The following NELL1 variants were observed in gnomAD, a reference collection of about 807,000 sequenced individuals.
NELL1 encodes the protein neural EGFL like 1.
In NELL1, 76 loss-of-function variants were observed where a neutral mutation model predicts 107.4. The ratio of observed to expected loss-of-function variants is 0.71; its 90% CI spans 0.59 to 0.86. NELL1 has a LOEUF of 0.86. NELL1 is among the 40% of genes least tolerant of loss of function. The pLI is 0.00. For missense variants in NELL1, 1,024 were observed against 1,005.5 expected (o/e 1.02, Z -0.25); for synonymous variants, 353 against 341.2 (o/e 1.03, Z -0.38).
intron 2 of NELL1, among the ~76,000 whole-genome samples, chr11:20,683,244 C>CTAATCTTTTAAGCAGATTTAGATAATAA (rs1854231201): frequency 6.6e-6 from 1 of 151,998 alleles, no homozygotes; most frequent in South Asian, 2.1e-4. Context: ...TTTAATGAGT[C>CTAATCTTTTAAGCAGATTTAGATAATAA]AATTATCTTT....
Position 21,467,798 on chromosome 11 carries a change from A to G in NELL1, c.1646-66576A>G, listed in dbSNP as rs527718114. ...GTGTGATTAGATGGTGAACCGCTGCAATAGGTGAATGAGAATCCCTTGGAA... is the reference window on the plus strand; with the variant it reads ...GTGTGATTAGATGGTGAACCGCTGCGATAGGTGAATGAGAATCCCTTGGAA... On this transcript the variant is annotated intron_variant, in intron 15 of 19. Transcript: ENST00000357134. 5.0e-4 allele frequency among the ~76,000 whole-genome samples: 76 copies of G among 152,156 alleles called. 1 individual carries two copies. In the South Asian group the frequency reaches 0.015, roughly 31 times the overall value.
intron 15 of NELL1, among the ~76,000 whole-genome samples, chr11:21,470,075 T>C (rs1590956906): frequency 6.6e-6 from 1 of 152,084 alleles, no homozygotes; most frequent in African/African-American, 2.4e-5. Flanking sequence ...CAGGTACTTA[T>C]ATATGTAGTT....
At chr11:21,243,296 T>C (rs1232959346) in intron 14 of NELL1, among the ~76,000 whole-genome samples, 3 of 152,158 alleles carry the variant, frequency 2.0e-5, no homozygotes, top group African/African-American at 7.2e-5. Flanking sequence ...CTTAAATAAG[T>C]GCATGTGTAG....
At chr11:20,800,426 A>G (rs1857259394) in intron 3 of NELL1, among the ~76,000 whole-genome samples, 1 of 151,860 alleles carries the variant, frequency 6.6e-6, no homozygotes, top group Non-Finnish European at 1.5e-5. Context: ...TGTGGTTTTG[A>G]TTTTTCACTT....
chr11:21,160,401 T>A (rs577558475), intron 13 of NELL1, among the ~76,000 whole-genome samples: 1 of 152,322 alleles, frequency 6.6e-6, no homozygotes, highest in East Asian at 1.9e-4. Flanking sequence ...GTTCTCTAGG[T>A]TAATTATTCA....
At chr11:20,709,479 C>T (rs552875159) in intron 2 of NELL1, among the ~76,000 whole-genome samples, 57 of 152,184 alleles carry the variant, frequency 3.7e-4, no homozygotes, top group African/African-American at 1.3e-3. Context: ...AATGTGATGC[C>T]TTCAAATTTG....
At chr11:21,478,542 G>T (rs1590963244) in intron 15 of NELL1, among the ~76,000 whole-genome samples, 1 of 152,134 alleles carries the variant, frequency 6.6e-6, no homozygotes, top group Non-Finnish European at 1.5e-5. Flanking sequence ...ATGGATTGAG[G>T]GCTTAAATCT....
chr11:21,378,542 A>G (rs992644445), intron 15 of NELL1, among the ~76,000 whole-genome samples: 4 of 151,858 alleles, frequency 2.6e-5, no homozygotes, highest in African/African-American at 7.2e-5. Flanking sequence ...CCCTCTCTCA[A>G]TGGTGGAATA....
At chr11:21,507,929 C>A (rs1385573392) in intron 15 of NELL1, among the ~76,000 whole-genome samples, 1 of 151,692 alleles carries the variant, frequency 6.6e-6, no homozygotes, top group Non-Finnish European at 1.5e-5. Flanking sequence ...TACAGGTGTG[C>A]ACCACTACGC....
chr11:21,140,355 A>G (rs963113483), intron 13 of NELL1, among the ~76,000 whole-genome samples: 4 of 152,236 alleles, frequency 2.6e-5, no homozygotes, highest in African/African-American at 9.6e-5. Flanking sequence ...TGTATATTAC[A>G]ATCATGTGCT....
chr11:21,357,862 T>C (rs1300567064), intron 14 of NELL1, among the ~76,000 whole-genome samples: 2 of 152,220 alleles, frequency 1.3e-5, no homozygotes, highest in African/African-American at 4.8e-5. Context: ...CTTCTCCACA[T>C]GGCCTGCCAG....
intron 12 of NELL1, among the ~76,000 whole-genome samples, chr11:21,005,262 G>A (rs1305669227): frequency 2.0e-5 from 3 of 152,120 alleles, no homozygotes; most frequent in Admixed American, 2.0e-4. Context: ...AATTAATATT[G>A]TATTATGTCC....
intron 15 of NELL1, among the ~76,000 whole-genome samples, chr11:21,393,898 A>G (rs2133787196): frequency 6.6e-6 from 1 of 151,828 alleles, no homozygotes; most frequent in Admixed American, 6.6e-5. Flanking sequence ...ACCTTTGACT[A>G]TGGGAAGTCC....
chr11:21,454,784 G>A (rs1853682623), intron 15 of NELL1, among the ~76,000 whole-genome samples: 1 of 152,142 alleles, frequency 6.6e-6, no homozygotes, highest in South Asian at 2.1e-4. Context: ...AAATAGCTCT[G>A]GTCATTGTTC....
intron 2 of NELL1, among the ~76,000 whole-genome samples, chr11:20,689,695 T>C (rs1218905443): frequency 6.7e-6 from 1 of 149,878 alleles, no homozygotes; most frequent in Non-Finnish European, 1.5e-5. Context: ...TTGTTGGACA[T>C]TTGGGTTGGT....
intron 13 of NELL1, among the ~76,000 whole-genome samples, chr11:21,225,435 A>G (rs1218481560): frequency 1.3e-5 from 2 of 152,122 alleles, no homozygotes; most frequent in Admixed American, 1.3e-4. Context: ...TTTTCCCACA[A>G]TGGGAGTTCC....
intron 2 of NELL1, among the ~76,000 whole-genome samples, chr11:20,705,406 C>A (rs182899370): frequency 2.0e-5 from 3 of 152,080 alleles, no homozygotes; most frequent in African/African-American, 7.2e-5. Context: ...CAAAAACAAG[C>A]GATGGGGAAA....
intron 17 of NELL1, among the ~76,000 whole-genome samples, chr11:21,567,499 T>G (rs1856998447): frequency 6.6e-6 from 1 of 151,844 alleles, no homozygotes; most frequent in Non-Finnish European, 1.5e-5. Flanking sequence ...TGTATAATCT[T>G]TCATCTCTTG....
chr11:21,111,969 A>G (rs1855117518), intron 12 of NELL1, among the ~76,000 whole-genome samples: 2 of 152,078 alleles, frequency 1.3e-5, no homozygotes, highest in Middle Eastern at 6.8e-3. Context: ...CACTTCCAAA[A>G]TCTTAATGTC....
Sources: allele counts gnomAD v4.1 joint callset (sites outside exome capture counted in the v4.1 genomes callset), GRCh38; gene constraint gnomAD v4.1.1; transcripts MANE v1.5; gene names NCBI Gene and HGNC (gene_info 2026-07-23, HGNC 2026-07-21).